Variants in GLRA1 observed in about 807,000 individuals in gnomAD.
The protein encoded by GLRA1 is glycine receptor subunit alpha-1.
A neutral mutation model predicts 48.3 loss-of-function variants in GLRA1; 37 were observed. That is an observed-to-expected ratio of 0.77 (90% CI 0.59 to 1.01). The LOEUF (loss-of-function observed/expected upper bound fraction) is 1.01. Among genes scored for constraint, GLRA1 ranks in the 50% least tolerant of loss-of-function variants. GLRA1 has a pLI of 0.00. For missense variants in GLRA1, 427 were observed against 571.0 expected (o/e 0.75, Z 2.57); for synonymous variants, 196 against 210.7 (o/e 0.93, Z 0.60).
At chr5:151,824,572 G>A (rs1763224941) in intron 8 of GLRA1, among the ~76,000 whole-genome samples, 1 of 151,694 alleles carries the variant, frequency 6.6e-6, no homozygotes, top group Admixed American at 6.6e-5. Flanking sequence ...TTGAACTCTG[G>A]GCCTTTGTGC....
chr5:151,919,221 A>G (rs913922951), intron 1 of GLRA1, among the ~76,000 whole-genome samples: 4 of 152,190 alleles, frequency 2.6e-5, no homozygotes, highest in Non-Finnish European at 5.9e-5. Flanking sequence ...TAAAGATGGG[A>G]AAAATATGTT....
chr5:151,902,365 C>A (rs555509536), intron 1 of GLRA1, among the ~76,000 whole-genome samples: 4 of 151,916 alleles, frequency 2.6e-5, no homozygotes, highest in Admixed American at 6.6e-5. Context: ...GAACCAATCA[C>A]GGTACGGACA....
At chr5:151,829,376 G>T (rs1004853118) in intron 7 of GLRA1, among the ~76,000 whole-genome samples, 7 of 152,200 alleles carry the variant, frequency 4.6e-5, no homozygotes, top group African/African-American at 1.7e-4. Context: ...GGAACAAACT[G>T]TTGTAGTGAG....
rs1025826810 is a variant in GLRA1 at position 151,921,299 on chromosome 5, A to G, written c.56+3195T>C. 2.4e-4 allele frequency among the ~76,000 whole-genome samples: 37 copies of G among 152,196 alleles called. 1 individual carries two copies. The highest frequency in any genetic ancestry group is 7.2e-5 in the African/African-American group (3 of 41,440). ...AGGAAGCTAGACTTTCCTCCTCGTT[A>G]TAATTACTACATTGGAGCAGCTGAT... is the stretch of plus-strand genomic sequence containing the variant. On this transcript the variant is annotated intron_variant, in intron 1 of 8. Coordinates refer to ENST00000274576, the MANE Select transcript of GLRA1 (RefSeq NM_000171.4).
intron 1 of GLRA1, among the ~76,000 whole-genome samples, chr5:151,917,781 A>C (rs1162985845): frequency 6.6e-6 from 1 of 152,090 alleles, no homozygotes; most frequent in Non-Finnish European, 1.5e-5. Context: ...TACTCAAGAC[A>C]CTCTGAAGGA....
Position 151,896,019 on chromosome 5 carries a change from C to T in GLRA1, c.57-3581G>A, listed in dbSNP as rs559634915. Among the ~76,000 whole-genome samples, 12 of 152,286 alleles carry T rather than the reference C, an allele frequency of 7.9e-5. No homozygotes were observed. In the South Asian group the frequency reaches 1.7e-3, roughly 21 times the overall value. On this transcript the variant is annotated intron_variant, in intron 1 of 8. Coordinates refer to ENST00000274576, the MANE Select transcript of GLRA1 (RefSeq NM_000171.4). Reference sequence around the variant, plus strand: ...CTCCCAGCAGTTGCTGGAGCACAAGCGATCTCTTCGCCCTTAGGCCTCTCT... The same window carrying T: ...CTCCCAGCAGTTGCTGGAGCACAAGTGATCTCTTCGCCCTTAGGCCTCTCT...
At chr5:151,874,022 G>A (rs1225527551) in intron 3 of GLRA1, among the ~76,000 whole-genome samples, 1 of 152,176 alleles carries the variant, frequency 6.6e-6, no homozygotes, top group African/African-American at 2.4e-5. Context: ...GCACCCTGGT[G>A]GTGAAGGGAC....
intron 1 of GLRA1, among the ~76,000 whole-genome samples, chr5:151,906,060 G>A (rs533183762): frequency 2.0e-5 from 3 of 152,100 alleles, no homozygotes; most frequent in Non-Finnish European, 2.9e-5. Flanking sequence ...TGATTCTGCC[G>A]TTTATTAGCG....
At chr5:151,877,613 T>C (rs950669444) in intron 3 of GLRA1, among the ~76,000 whole-genome samples, 3 of 152,174 alleles carry the variant, frequency 2.0e-5, no homozygotes, top group Non-Finnish European at 4.4e-5. Context: ...TGAATCCCCA[T>C]GTGTTATGGG....
At chr5:151,867,758 T>C (rs959297246) in intron 3 of GLRA1, among the ~76,000 whole-genome samples, 5 of 152,164 alleles carry the variant, frequency 3.3e-5, no homozygotes, top group African/African-American at 1.2e-4. Flanking sequence ...GTTTGTCTGA[T>C]TACATAAAGT....
In GLRA1 at chr5:151,822,702, CA is replaced by C. The variant is rs1299793548; in HGVS notation, c.1320del (p.Ile440MetfsTer31). ...TGGTTGTGGACGTCCTCTCTACGGACAATCTTGTAGATGATCCAGTAGAACA... is the reference window on the plus strand; with the variant it reads ...TGGTTGTGGACGTCCTCTCTACGGACATCTTGTAGATGATCCAGTAGAACA... The part of the protein sequence containing the change: ...FNMFYWIIYK[I>X]VRREDVHNQ On this transcript the variant is annotated frameshift_variant, in exon 9 of 9. Coordinates refer to ENST00000274576, the MANE Select transcript of GLRA1 (RefSeq NM_000171.4). LOFTEE classifies it high-confidence loss of function. 1.2e-6 allele frequency: 2 copies of C among 1,613,542 alleles called. No homozygotes were observed. The highest frequency in any genetic ancestry group is 1.7e-6 in the Non-Finnish European group (2 of 1,179,666).
intron 6 of GLRA1, among the ~76,000 whole-genome samples, chr5:151,853,674 C>A (rs1037764386): frequency 3.9e-5 from 6 of 152,068 alleles, no homozygotes; most frequent in African/African-American, 1.4e-4. Flanking sequence ...TCTTCACTAT[C>A]TTGATAGTGT....
At position 151,850,366 on chromosome 5, in the gene GLRA1, A is replaced by G. The variant is rs906446575; in HGVS notation, c.912+1024T>C. 6.6e-6 allele frequency: 9 copies of G among 1,372,690 alleles called. No homozygotes were observed. In the Admixed American group the frequency reaches 1.3e-4, roughly 21 times the overall value. The allele number at this position is 1,372,690 out of a possible 1,614,324, so 85.0% of individuals were successfully genotyped here. On this transcript the variant is annotated intron_variant, in intron 7 of 8. Transcript: ENST00000274576. ...TTCATTTTGCATCATGTATGTGAAG[A>G]CTTTGGAGTGATAGCAACCTTTGAT...
chr5:151,914,422 G>A (rs902168707), intron 1 of GLRA1, among the ~76,000 whole-genome samples: 23 of 152,200 alleles, frequency 1.5e-4, no homozygotes, highest in South Asian at 4.1e-4. Flanking sequence ...GGGGCATGCG[G>A]TGAGACCTTT....
chr5:151,888,708 A>G (rs1257231262), intron 2 of GLRA1, among the ~76,000 whole-genome samples: 1 of 152,212 alleles, frequency 6.6e-6, no homozygotes, highest in Admixed American at 6.5e-5. Context: ...TCTAGTGTTC[A>G]GAGAGCTACC....
chr5:151,871,478 A>ATACTT (rs70976029), intron 3 of GLRA1, among the ~76,000 whole-genome samples: 84,641 of 148,800 alleles, frequency 0.57, 25,576 homozygotes, highest in East Asian at 0.69. Flanking sequence ...GAGATGTACT[A>ATACTT]ATAAAATATT....
chr5:151,869,206 G>A lies in GLRA1; in HGVS notation c.253-9198C>T, dbSNP rs145096376. Reference sequence around the variant, plus strand: ...GCAACCTCCACCTCCCAGGTTCAACGGATTCTCCTGCCCTAGCCCCCTGAG... The same window carrying A: ...GCAACCTCCACCTCCCAGGTTCAACAGATTCTCCTGCCCTAGCCCCCTGAG... On this transcript the variant is annotated intron_variant, in intron 3 of 8. Transcript: ENST00000274576. Among the ~76,000 whole-genome samples, 925 of 151,514 alleles carry A rather than the reference G, an allele frequency of 6.1e-3. 12 individuals are homozygous for A. The highest frequency in any genetic ancestry group is 0.021 in the African/African-American group (855 of 41,326).
At chr5:151,824,699 C>T (rs1763227687) in intron 8 of GLRA1, among the ~76,000 whole-genome samples, 1 of 152,160 alleles carries the variant, frequency 6.6e-6, no homozygotes, top group African/African-American at 2.4e-5. Context: ...GCTAGCCGCT[C>T]CTGCTGTGTG....
chr5:151,890,020 A>G (rs887844902), intron 2 of GLRA1, among the ~76,000 whole-genome samples: 10 of 152,110 alleles, frequency 6.6e-5, no homozygotes, highest in African/African-American at 2.4e-4. Flanking sequence ...TCAGAGTGGG[A>G]AGGTTGGACG....
Sources: allele counts gnomAD v4.1 joint callset (sites outside exome capture counted in the v4.1 genomes callset), GRCh38; gene constraint gnomAD v4.1.1; transcripts MANE v1.5; gene names NCBI Gene and HGNC (gene_info 2026-07-23, HGNC 2026-07-21).